HECW2: variants seen among roughly 807,000 people sequenced by gnomAD.
HECW2 encodes the protein E3 ubiquitin-protein ligase HECW2.
A neutral mutation model predicts 175.2 loss-of-function variants in HECW2; 61 were observed. The ratio of observed to expected loss-of-function variants is 0.35; its 90% confidence interval spans 0.28 to 0.43. HECW2 has a LOEUF of 0.43. Among genes scored for constraint, HECW2 ranks in the 20% least tolerant of loss-of-function variants. The pLI is 1.00. For missense variants in HECW2, 1,524 were observed against 2,000.5 expected, an observed-to-expected ratio of 0.76 and a Z score of 4.54; for synonymous variants, 671 against 731.0, an observed-to-expected ratio of 0.92 and a Z score of 1.32.
At chr2:196,360,202 C>T (rs1318746271) in intron 2 of HECW2, among the ~76,000 whole-genome samples, 1 of 152,204 alleles carries the variant, frequency 6.6e-6, no homozygotes, top group Non-Finnish European at 1.5e-5. Flanking sequence ...TGGGTATATA[C>T]CCAAAACAAT....
chr2:196,415,158 C>T (rs530765608), intron 2 of HECW2, among the ~76,000 whole-genome samples: 22 of 152,120 alleles, frequency 1.4e-4, no homozygotes, highest in Non-Finnish European at 2.4e-4. Context: ...TTCTCTGGGG[C>T]CACTGTCTAT....
Position 196,299,122 on chromosome 2 carries a change from A to T in HECW2, c.2815-6372T>A, listed in dbSNP as rs545648003. Among the ~76,000 whole-genome samples the T allele has an allele frequency of 3.9e-5, 6 of 152,318 alleles. No individual in the cohort carries two copies. In the South Asian group the frequency reaches 1.2e-3, roughly 32 times the overall value. On this transcript the variant is annotated intron_variant, in intron 13 of 28. Coordinates refer to ENST00000644978, the MANE Select transcript of HECW2 (RefSeq NM_001348768.2). Reference sequence around the variant, plus strand: ...AAATAATACTTCCTAAACCCACAGAATTTAAGTCTTACAGAAATGTATAAA... The same window carrying T: ...AAATAATACTTCCTAAACCCACAGATTTTAAGTCTTACAGAAATGTATAAA...
At chr2:196,372,427 T>C (rs1220058046) in intron 2 of HECW2, among the ~76,000 whole-genome samples, 1 of 152,216 alleles carries the variant, frequency 6.6e-6, no homozygotes, top group Non-Finnish European at 1.5e-5. Flanking sequence ...TAATATCCTT[T>C]GGTGGTCCCC....
At chr2:196,535,580 T>C (rs1008924432) in intron 1 of HECW2, among the ~76,000 whole-genome samples, 1 of 152,162 alleles carries the variant, frequency 6.6e-6, no homozygotes, top group African/African-American at 2.4e-5. Flanking sequence ...AAATCCCTTA[T>C]CCGCTTACCA....
chr2:196,297,833 T>C (rs114743137), intron 13 of HECW2, among the ~76,000 whole-genome samples: 6 of 152,366 alleles, frequency 3.9e-5, no homozygotes, highest in African/African-American at 1.4e-4. Context: ...GTTTGCATAA[T>C]ATGTATGCAG....
chr2:196,541,137 G>T (rs1033801941), intron 1 of HECW2, among the ~76,000 whole-genome samples: 9 of 152,044 alleles, frequency 5.9e-5, no homozygotes, highest in Non-Finnish European at 1.5e-5. Context: ...TGGACCTCCT[G>T]GGAGCGGCTC....
At chr2:196,450,990 A>T (rs1696329544) in intron 1 of HECW2, among the ~76,000 whole-genome samples, 1 of 152,220 alleles carries the variant, frequency 6.6e-6, no homozygotes, top group Non-Finnish European at 1.5e-5. Flanking sequence ...AAGAATTTTT[A>T]AATTCTATTT....
intron 13 of HECW2, among the ~76,000 whole-genome samples, chr2:196,297,635 C>T (rs937434514): frequency 9.2e-5 from 14 of 152,168 alleles, no homozygotes; most frequent in African/African-American, 3.1e-4. Context: ...AAGTACATTA[C>T]TGATAAATAA....
intron 1 of HECW2, among the ~76,000 whole-genome samples, chr2:196,529,068 A>T (rs1176220672): frequency 1.3e-5 from 2 of 152,230 alleles, no homozygotes; most frequent in African/African-American, 4.8e-5. Flanking sequence ...TTATAACCAC[A>T]TGCAGAAGCC....
intron 2 of HECW2, among the ~76,000 whole-genome samples, chr2:196,371,732 C>T (rs1166017662): frequency 6.6e-6 from 1 of 152,134 alleles, no homozygotes; most frequent in Non-Finnish European, 1.5e-5. Flanking sequence ...AGGTAGTCTG[C>T]GAAGCACTGG....
intron 1 of HECW2, among the ~76,000 whole-genome samples, chr2:196,578,933 C>T (rs1690661182): frequency 6.6e-6 from 1 of 151,390 alleles, no homozygotes; most frequent in African/African-American, 2.4e-5. Context: ...AAGCTATCTA[C>T]ACAGAGAAGA....
At chr2:196,203,713 T>C (rs1450073920) in intron 28 of HECW2, among the ~76,000 whole-genome samples, 2 of 152,198 alleles carry the variant, frequency 1.3e-5, no homozygotes, top group Non-Finnish European at 2.9e-5. Flanking sequence ...TGATAAAATA[T>C]ACATAATATA....
chr2:196,390,376 G>A (rs1694470053), intron 2 of HECW2, among the ~76,000 whole-genome samples: 1 of 152,158 alleles, frequency 6.6e-6, no homozygotes, highest in East Asian at 1.9e-4. Flanking sequence ...ATTATCAGAA[G>A]GAACTGCTTT....
chr2:196,460,979 C>T (rs185800456), intron 1 of HECW2, among the ~76,000 whole-genome samples: 2 of 151,998 alleles, frequency 1.3e-5, no homozygotes, highest in East Asian at 1.9e-4. Flanking sequence ...AAATTAATTA[C>T]GTGAGAAAAT....
chr2:196,223,207 T>C (rs1182735265), intron 23 of HECW2, among the ~76,000 whole-genome samples: 1 of 152,220 alleles, frequency 6.6e-6, no homozygotes, highest in African/African-American at 2.4e-5. Context: ...GATAAGTTAA[T>C]ATAAAGCGAT....
intron 1 of HECW2, among the ~76,000 whole-genome samples, chr2:196,558,868 G>A (rs963791958): frequency 6.6e-6 from 1 of 152,058 alleles, no homozygotes; most frequent in Non-Finnish European, 1.5e-5. Context: ...GTTTAGCTGG[G>A]GCAGGCATTT....
chr2:196,283,435 G>A (rs1050997500), intron 14 of HECW2, among the ~76,000 whole-genome samples: 2 of 149,762 alleles, frequency 1.3e-5, no homozygotes, highest in African/African-American at 4.9e-5. Context: ...GAGTGCAGTG[G>A]CACAATCTTG....
chr2:196,528,028 GTTCT>G (rs1185351702), intron 1 of HECW2, among the ~76,000 whole-genome samples: 2 of 152,168 alleles, frequency 1.3e-5, no homozygotes, highest in East Asian at 3.9e-4. Flanking sequence ...CCTCTAAAAG[GTTCT>G]TTTTCCTCTT....
intron 1 of HECW2, among the ~76,000 whole-genome samples, chr2:196,587,995 C>G (rs1691048942): frequency 6.6e-6 from 1 of 152,190 alleles, no homozygotes; most frequent in African/African-American, 2.4e-5. Flanking sequence ...CTCTATCCCT[C>G]AGGTATTTGT....
Sources: allele counts gnomAD v4.1 joint callset (sites outside exome capture counted in the v4.1 genomes callset), GRCh38; gene constraint gnomAD v4.1.1; transcripts MANE v1.5; gene names NCBI Gene and HGNC (gene_info 2026-07-23, HGNC 2026-07-21).